Variants in SUPT3H observed in about 807,000 individuals in gnomAD.
SUPT3H encodes SPT3 homolog, SAGA and STAGA complex component.
A neutral mutation model predicts 44.3 loss-of-function variants in SUPT3H; 44 were observed. The observed-to-expected ratio is 0.99, with a 90% CI of 0.78 to 1.28. The LOEUF (loss-of-function observed/expected upper bound fraction) is 1.28, where lower values mean the gene tolerates loss of function less well. Among genes scored for constraint, SUPT3H ranks in the 50% most tolerant of loss-of-function variants. The pLI is 0.00. For synonymous variants in SUPT3H, 124 were observed against 125.6 expected, an observed-to-expected ratio of 0.99 and a Z score of 0.09; for missense variants, 380 against 387.1, an observed-to-expected ratio of 0.98 and a Z score of 0.15.
chr6:44,919,982 G>A (rs776934276), intron 10 of SUPT3H, among the ~76,000 whole-genome samples: 11 of 152,004 alleles, frequency 7.2e-5, no homozygotes, highest in Non-Finnish European at 1.5e-4. Context: ...AGGTTCAGGC[G>A]ATTCTCCTGC....
intron 3 of SUPT3H, among the ~76,000 whole-genome samples, chr6:45,046,140 T>C (rs547223390): frequency 5.3e-5 from 8 of 152,322 alleles, no homozygotes; most frequent in Non-Finnish European, 7.3e-5. Context: ...AGATTGTTTT[T>C]CCACATGGAT....
chr6:45,217,210 C>T (rs1286412506), intron 2 of SUPT3H, among the ~76,000 whole-genome samples: 2 of 150,524 alleles, frequency 1.3e-5, no homozygotes, highest in African/African-American at 2.4e-5. Flanking sequence ...GGCATGGTGG[C>T]TCATGCCTGT....
chr6:45,342,755 C>G (rs1341382269), intron 2 of SUPT3H, among the ~76,000 whole-genome samples: 1 of 151,948 alleles, frequency 6.6e-6, no homozygotes, highest in African/African-American at 2.4e-5. Context: ...GTTTTAAAAG[C>G]TTATTTTTCC....
chr6:45,201,792 AAT>A (rs1455115704), intron 2 of SUPT3H, among the ~76,000 whole-genome samples: 1 of 151,910 alleles, frequency 6.6e-6, no homozygotes, highest in Non-Finnish European at 1.5e-5. Flanking sequence ...CCTTTAAAAT[AAT>A]ATGTCTTTCA....
chr6:44,886,245 C>A (rs1181088401), intron 10 of SUPT3H, among the ~76,000 whole-genome samples: 1 of 151,992 alleles, frequency 6.6e-6, no homozygotes, highest in African/African-American at 2.4e-5. Flanking sequence ...GGCCAACGTT[C>A]AGATTCAGGA....
chr6:44,884,615 A>C (rs1207241657), intron 10 of SUPT3H, among the ~76,000 whole-genome samples: 1 of 152,192 alleles, frequency 6.6e-6, no homozygotes, highest in Non-Finnish European at 1.5e-5. Context: ...AGACTGGATA[A>C]AGAAAATGTG....
At chr6:45,293,978 C>A in intron 2 of SUPT3H, among the ~76,000 whole-genome samples, 1 of 152,150 alleles carries the variant, frequency 6.6e-6, no homozygotes, top group East Asian at 1.9e-4. Flanking sequence ...CTCCCTAAAT[C>A]ATTCTATGAA....
intron 3 of SUPT3H, among the ~76,000 whole-genome samples, chr6:45,029,491 G>T (rs1186157551): frequency 1.3e-5 from 2 of 151,768 alleles, no homozygotes; most frequent in Non-Finnish European, 1.5e-5. Flanking sequence ...TTTACTGTAT[G>T]AAGATAGCAG....
In SUPT3H at chr6:45,212,550, T is replaced by C. The variant is rs528005088; in HGVS notation, c.102-106544A>G. On this transcript the variant is annotated intron_variant, in intron 2 of 10. Coordinates refer to ENST00000371459, the MANE Select transcript of SUPT3H (RefSeq NM_003599.4). The stretch of plus-strand genomic sequence containing the variant: ...GTGTGTGTGTGTGTGTGTGTGTGTA[T>C]TGACTCTACTACTCACTAGGTCCTA... 3.0e-4 allele frequency among the ~76,000 whole-genome samples: 44 copies of C among 145,406 alleles called. 1 individual carries two copies. In the South Asian group the frequency reaches 5.9e-3, roughly 20 times the overall value.
At chr6:45,000,950 T>G (rs1322639519) in intron 6 of SUPT3H, among the ~76,000 whole-genome samples, 1 of 152,110 alleles carries the variant, frequency 6.6e-6, no homozygotes, top group African/African-American at 2.4e-5. Flanking sequence ...CAAGACTAGA[T>G]AGTTTACTTG....
chr6:45,235,508 A>ATG (rs1423903176), intron 2 of SUPT3H, among the ~76,000 whole-genome samples: 49 of 149,588 alleles, frequency 3.3e-4, no homozygotes, highest in African/African-American at 4.1e-4. Context: ...GGATATATAC[A>ATG]TGTGTGTGTG....
intron 1 of SUPT3H, among the ~76,000 whole-genome samples, chr6:45,369,011 T>C (rs921575535): frequency 6.6e-6 from 1 of 152,050 alleles, no homozygotes; most frequent in African/African-American, 2.4e-5. Flanking sequence ...TGAAAAAAAT[T>C]AAAAATTAAA....
At chr6:45,007,000 C>A (rs1165250003) in intron 5 of SUPT3H, among the ~76,000 whole-genome samples, 3 of 152,144 alleles carry the variant, frequency 2.0e-5, no homozygotes, top group Non-Finnish European at 4.4e-5. Context: ...ACTTTCTGCA[C>A]TTGATATTTG....
intron 11 of SUPT3H, among the ~76,000 whole-genome samples, chr6:44,819,838 T>TATG (rs1767166375): frequency 6.6e-6 from 1 of 152,128 alleles, no homozygotes; most frequent in African/African-American, 2.4e-5. Flanking sequence ...TTCTGCAACA[T>TATG]ATGAAGTGAT....
rs80323076 is a variant in SUPT3H at position 45,084,116 on chromosome 6, G to C, written c.186+21806C>G. Among the ~76,000 whole-genome samples the C allele has an allele frequency of 8.6e-3, 1,309 of 152,140 alleles. 23 individuals are homozygous for C. The highest frequency in any genetic ancestry group is 0.03 in the African/African-American group (1,233 of 41,510). On this transcript the variant is annotated intron_variant, in intron 3 of 10. Transcript: ENST00000371459. ...TTCATGACTAAATCCTCAAAAGCAA[G>C]CGCAACACAAAAAAAATTGACAAGT...
intron 9 of SUPT3H, among the ~76,000 whole-genome samples, chr6:44,937,713 T>C (rs1771692145): frequency 6.6e-6 from 1 of 152,062 alleles, no homozygotes; most frequent in Non-Finnish European, 1.5e-5. Context: ...CTGTTGGCCA[T>C]CGGTATGTCT....
intron 2 of SUPT3H, among the ~76,000 whole-genome samples, chr6:45,176,010 T>A (rs1811736594): frequency 6.6e-6 from 1 of 152,160 alleles, no homozygotes; most frequent in Non-Finnish European, 1.5e-5. Context: ...AAGCAATGAC[T>A]CAATCTGATT....
At chr6:45,305,242 T>C (rs114785016) in intron 2 of SUPT3H, among the ~76,000 whole-genome samples, 3,020 of 152,304 alleles carry the variant, frequency 0.02, 104 homozygotes, top group African/African-American at 0.068. Flanking sequence ...CATAACTCGT[T>C]TCATCTCACC....
downstream of SUPT3H, among the ~76,000 whole-genome samples, chr6:44,825,007 A>G (rs1014475013): frequency 6.6e-6 from 1 of 152,228 alleles, no homozygotes; most frequent in Non-Finnish European, 1.5e-5. Flanking sequence ...CTGCTGCTGC[A>G]AACACGTAAA....
Sources: allele counts gnomAD v4.1 joint callset (sites outside exome capture counted in the v4.1 genomes callset), GRCh38; gene constraint gnomAD v4.1.1; transcripts MANE v1.5; gene names NCBI Gene and HGNC (gene_info 2026-07-23, HGNC 2026-07-21).